The following ANKRD31 variants were observed in gnomAD, a reference collection of about 807,000 sequenced individuals.
ANKRD31 encodes ankyrin repeat domain-containing protein 31.
ANKRD31 carries 147 observed loss-of-function variants against 186.0 expected under a neutral mutation model. The ratio of observed to expected loss-of-function variants is 0.79; its 90% confidence interval spans 0.69 to 0.91. The LOEUF (loss-of-function observed/expected upper bound fraction) is 0.91. ANKRD31 is among the 40% of genes least tolerant of loss of function. The probability of loss-of-function intolerance (pLI) is 0.00; values close to 1 mark genes in which losing one functional copy is unlikely to be tolerated. For missense variants in ANKRD31, 1,986 were observed against 2,148.8 expected, an observed-to-expected ratio of 0.92 and a Z score of 1.50; for synonymous variants, 673 against 736.4, an observed-to-expected ratio of 0.91 and a Z score of 1.39.
intron 18 of ANKRD31, among the ~76,000 whole-genome samples, 162 bp downstream of exon 18, chr5:75,117,973 T>C (rs1056494069): frequency 1.3e-5 from 2 of 152,150 alleles, no homozygotes; most frequent in African/African-American, 4.8e-5. Flanking sequence ...TAAACCAAAT[T>C]GTAAATGCCA....
intron 25 of ANKRD31, among the ~76,000 whole-genome samples, 159 bp from the exon 26 acceptor site, chr5:75,068,823 A>G (rs1381130647): frequency 6.6e-6 from 1 of 152,198 alleles, no homozygotes; most frequent in Non-Finnish European, 1.5e-5. Context: ...TCTGTACTCA[A>G]GACAAAGCTA....
intron 12 of ANKRD31, among the ~76,000 whole-genome samples, chr5:75,151,982 T>C (rs569842751): frequency 6.6e-6 from 1 of 152,196 alleles, no homozygotes; most frequent in Non-Finnish European, 1.5e-5. Context: ...ATACAATGAA[T>C]GAATGAATGA....
At chr5:75,230,431 C>T in intron 2 of ANKRD31, 131 bp downstream of exon 2, 1 of 626,106 alleles carries the variant, frequency 1.6e-6, no homozygotes, top group Non-Finnish European at 2.6e-6. Flanking sequence ...TACAAATTAG[C>T]TTATGGTAAA....
intron 25 of ANKRD31, among the ~76,000 whole-genome samples, chr5:75,079,767 C>T (rs565938567): frequency 1.3e-4 from 20 of 152,298 alleles, no homozygotes; most frequent in Middle Eastern, 3.4e-3. Context: ...TGAGCAACTG[C>T]GCCCGGCCAA....
chr5:75,169,457 G>A (rs1193355753), intron 10 of ANKRD31, among the ~76,000 whole-genome samples: 1 of 152,186 alleles, frequency 6.6e-6, no homozygotes, highest in Non-Finnish European at 1.5e-5. Flanking sequence ...TTTCTGCAGA[G>A]ATGAGGGGAG....
intron 17 of ANKRD31, among the ~76,000 whole-genome samples, chr5:75,122,295 A>C (rs1580367672): frequency 2.4e-5 from 1 of 41,146 alleles, no homozygotes; most frequent in Non-Finnish European, 3.7e-5. Flanking sequence ...TCCTCCCAAC[A>C]AAAAAAAAAG....
chr5:75,165,295 T>C (rs1048577687), intron 11 of ANKRD31, among the ~76,000 whole-genome samples: 5 of 152,196 alleles, frequency 3.3e-5, no homozygotes, highest in African/African-American at 9.6e-5. Flanking sequence ...TCATCCCTAA[T>C]AGCATATACT....
chr5:75,104,604 G>A lies in ANKRD31; in HGVS notation c.4955C>T (p.Ala1652Val). The stretch of plus-strand genomic sequence containing the variant: ...ATTTGATGGATGGGCAGCATTTTCG[G>A]CAAGGACACTTGCAGTTTCTGAAAT... ...LNISETASVL[A>V]ENAAHPSNII... The change falls in exon 22 of 26, where the codon GCC becomes GTC. Residue 1652 changes from alanine to valine, a missense_variant. Ala to Val is a moderately conservative substitution (Grantham distance 64). Transcript: ENST00000506364. 2.6e-6 allele frequency: 4 copies of A among 1,536,410 alleles called. No individual in the cohort carries two copies. The highest frequency in any genetic ancestry group is 1.7e-4 in the Middle Eastern group (1 of 5,984).
intron 23 of ANKRD31, among the ~76,000 whole-genome samples, chr5:75,091,012 G>A (rs1008215106): frequency 6.6e-6 from 1 of 152,164 alleles, no homozygotes; most frequent in Non-Finnish European, 1.5e-5. Context: ...AGTAAGAAAC[G>A]GAAGGTGCAG....
intron 2 of ANKRD31, among the ~76,000 whole-genome samples, chr5:75,226,702 C>T (rs1449410772): frequency 6.6e-6 from 1 of 152,044 alleles, no homozygotes; most frequent in Non-Finnish European, 1.5e-5. Context: ...AAATACAAAT[C>T]AAAACTACAA....
chr5:75,080,517 T>C (rs1296609651), intron 25 of ANKRD31, 51 bp downstream of exon 25: 4 of 1,283,110 alleles, frequency 3.1e-6, no homozygotes, highest in Non-Finnish European at 4.3e-6. Flanking sequence ...ATATGTAGAA[T>C]CTAAACACTT....
At chr5:75,162,150 G>GC (rs1269257003) in intron 11 of ANKRD31, among the ~76,000 whole-genome samples, 1 of 152,304 alleles carries the variant, frequency 6.6e-6, no homozygotes, top group Non-Finnish European at 1.5e-5. Context: ...GCCTAGAAAA[G>GC]CCAGAGATAC....
At position 75,195,983 on chromosome 5, in the gene ANKRD31, G is replaced by A. The variant is rs1409282489; in HGVS notation, c.665C>T (p.Ser222Phe). ...DEESSLETFV[S>F]ALESLLTSPE... ...TGATGTAAGTAAACTTTCTAAGGCA[G>A]ACACAAAGGTTTCAAGAGAGCTTTC... is the stretch of plus-strand genomic sequence containing the variant. Residue 222 changes from serine (S) to phenylalanine (F), a missense_variant, in exon 7 of 26, where the codon TCT becomes TTT. Transcript: ENST00000506364. 6.5e-7 allele frequency: 1 copy of A among 1,531,458 alleles called. No individual in the cohort carries two copies. Among genetic ancestry groups the A allele is most frequent in the East Asian group, 2.4e-5 (1 of 40,880 alleles). The allele number at this position is 1,531,458 out of a possible 1,614,324, so 94.9% of individuals were successfully genotyped here. A position where few individuals can be genotyped will look rare whatever the true frequency, so the allele number is the denominator to read the frequency against.
chr5:75,156,984 G>A (rs1434779466), intron 11 of ANKRD31, among the ~76,000 whole-genome samples: 1 of 152,176 alleles, frequency 6.6e-6, no homozygotes, highest in Non-Finnish European at 1.5e-5. Context: ...CAGAAAGTGG[G>A]GTGCTATTGT....
chr5:75,145,487 A>T (rs1751368656), intron 14 of ANKRD31, among the ~76,000 whole-genome samples: 1 of 152,096 alleles, frequency 6.6e-6, no homozygotes, highest in Non-Finnish European at 1.5e-5. Flanking sequence ...TAACACAGGA[A>T]CAGAAAACCA....
chr5:75,078,690 C>A (rs552253884), intron 25 of ANKRD31, among the ~76,000 whole-genome samples: 4 of 152,178 alleles, frequency 2.6e-5, no homozygotes, highest in Non-Finnish European at 5.9e-5. Flanking sequence ...TCTATCTTAA[C>A]AGAATTAAAA....
In ANKRD31 at chr5:75,182,334, T is replaced by C. The variant is rs72768335; in HGVS notation, c.1564+6159A>G. 3.3e-3 allele frequency among the ~76,000 whole-genome samples: 510 copies of C among 152,294 alleles called. 2 individuals are homozygous for C. Among genetic ancestry groups the C allele is most frequent in the Non-Finnish European group, 4.5e-3 (308 of 68,024 alleles). On this transcript the variant is annotated intron_variant, in intron 10 of 25. Coordinates refer to ENST00000506364, the MANE Select transcript of ANKRD31 (RefSeq NM_001372053.1). ...TATCAGAAACTCAAAAGTCGTTAAC[T>C]TTGGAATGCAGATGATGATTTTCCT...
At chr5:75,220,642 CAA>C (rs113439471) in intron 3 of ANKRD31, among the ~76,000 whole-genome samples, 47 of 136,654 alleles carry the variant, frequency 3.4e-4, no homozygotes, top group East Asian at 4.2e-4. Context: ...AACTCCGTCT[CAA>C]AAAAAAAAAA....
chr5:75,104,479 G>A lies in ANKRD31; in HGVS notation c.5080C>T (p.His1694Tyr), dbSNP rs1175542241. ...SPTGASESLA[H>Y]QGIAVLGSDT... ...CTGCCTAAGACAGCAATCCCTTGATGTGCCAGAGATTCTGATGCCCCTGTA... is the reference window on the plus strand; with the variant it reads ...CTGCCTAAGACAGCAATCCCTTGATATGCCAGAGATTCTGATGCCCCTGTA... The change falls in exon 22 of 26, where the codon CAT becomes TAT. Residue 1694 changes from histidine to tyrosine, a missense_variant. Transcript: ENST00000506364. 2 of 1,537,222 alleles carry A rather than the reference G, an allele frequency of 1.3e-6. No individual in the cohort carries two copies. The highest frequency in any genetic ancestry group is 1.7e-6 in the Non-Finnish European group (2 of 1,146,904).
Sources: allele counts gnomAD v4.1 joint callset (sites outside exome capture counted in the v4.1 genomes callset), GRCh38; gene constraint gnomAD v4.1.1; transcripts MANE v1.5; gene names NCBI Gene and HGNC (gene_info 2026-07-23, HGNC 2026-07-21).